The following RALYL variants were observed in gnomAD, a reference collection of about 807,000 sequenced individuals.
RALYL encodes RNA-binding Raly-like protein.
A neutral mutation model predicts 35.1 loss-of-function variants in RALYL; 29 were observed. The observed-to-expected ratio is 0.83, with a 90% confidence interval of 0.61 to 1.13. RALYL has a LOEUF of 1.13. Among genes scored for constraint, RALYL ranks in the 50% most tolerant of loss-of-function variants. The pLI is 0.00. For synonymous variants in RALYL, 120 were observed against 127.6 expected, an observed-to-expected ratio of 0.94 and a Z score of 0.40; for missense variants, 359 against 360.4, an observed-to-expected ratio of 1.00 and a Z score of 0.03.
intron 1 of RALYL, among the ~76,000 whole-genome samples, chr8:84,267,112 G>T (rs1586654905): frequency 6.6e-6 from 1 of 152,128 alleles, no homozygotes; most frequent in South Asian, 2.1e-4. Flanking sequence ...AGATCTGCAG[G>T]AATCTTAACA....
At chr8:84,810,375 AT>A (rs1825645531) in intron 4 of RALYL, among the ~76,000 whole-genome samples, 1 of 152,040 alleles carries the variant, frequency 6.6e-6, no homozygotes, top group South Asian at 2.1e-4. Context: ...ATTTTCCTAA[AT>A]TTATTGAGGC....
chr8:84,586,072 G>A (rs781574729), intron 2 of RALYL, among the ~76,000 whole-genome samples: 3 of 151,926 alleles, frequency 2.0e-5, no homozygotes, highest in Non-Finnish European at 2.9e-5. Flanking sequence ...GCACACACCT[G>A]TAATCCCAGC....
In RALYL at chr8:84,644,731, C is replaced by CT. The variant is rs201114312; in HGVS notation, c.256+115164dup. ...TTGAATCATTGTGTTCCAAGTTTGT[C>CT]TTTTTTTTTTCTTTTTTTCTTCTTC... is the stretch of plus-strand genomic sequence containing the variant. On this transcript the variant is annotated intron_variant, in intron 2 of 8. Coordinates refer to ENST00000521268, the MANE Select transcript of RALYL (RefSeq NM_173848.7). Among the ~76,000 whole-genome samples the CT allele has an allele frequency of 3.7e-3, 542 of 148,408 alleles. 3 individuals are homozygous for CT. The highest frequency in any genetic ancestry group is 0.012 in the African/African-American group (496 of 40,428).
intron 2 of RALYL, among the ~76,000 whole-genome samples, chr8:84,767,773 A>G (rs373356699): frequency 1.5e-4 from 23 of 152,344 alleles, no homozygotes; most frequent in Middle Eastern, 6.8e-3. Flanking sequence ...ATTCATTTAA[A>G]TGGTGCCTGT....
chr8:84,805,492 T>C (rs1279859655), intron 4 of RALYL, among the ~76,000 whole-genome samples: 1 of 152,192 alleles, frequency 6.6e-6, no homozygotes, highest in Admixed American at 6.5e-5. Flanking sequence ...AAGACCGGCC[T>C]GGCCAACATG....
At chr8:84,454,784 C>T (rs935374836) in intron 1 of RALYL, among the ~76,000 whole-genome samples, 2 of 152,048 alleles carry the variant, frequency 1.3e-5, no homozygotes, top group Admixed American at 6.6e-5. Context: ...TGGAAACAAA[C>T]AATGTCTCAC....
At chr8:84,758,049 T>C (rs1811840272) in intron 2 of RALYL, among the ~76,000 whole-genome samples, 1 of 152,188 alleles carries the variant, frequency 6.6e-6, no homozygotes, top group Non-Finnish European at 1.5e-5. Context: ...AAAATATGTG[T>C]AAAAATTGAT....
At chr8:84,457,979 GC>G (rs1164408262) in intron 1 of RALYL, among the ~76,000 whole-genome samples, 1 of 151,702 alleles carries the variant, frequency 6.6e-6, no homozygotes, top group Non-Finnish European at 1.5e-5. Flanking sequence ...TAGCCCCAGT[GC>G]CAAGCACAGC....
chr8:84,499,128 T>C (rs956785924), intron 1 of RALYL, among the ~76,000 whole-genome samples: 5 of 151,256 alleles, frequency 3.3e-5, no homozygotes, highest in African/African-American at 1.2e-4. Flanking sequence ...AGAGAGTAAA[T>C]GCGCAGGTTT....
chr8:84,853,991 T>A (rs1350851384), intron 5 of RALYL, among the ~76,000 whole-genome samples: 1 of 152,130 alleles, frequency 6.6e-6, no homozygotes, highest in African/African-American at 2.4e-5. Flanking sequence ...TGATCAGCAT[T>A]ATGCCTGGTA....
At chr8:84,447,582 T>C (rs1487817952) in intron 1 of RALYL, among the ~76,000 whole-genome samples, 1 of 152,034 alleles carries the variant, frequency 6.6e-6, no homozygotes, top group Non-Finnish European at 1.5e-5. Flanking sequence ...TGTCCTCTCA[T>C]GGTTAACACA....
chr8:84,486,961 G>A (rs2054699456), intron 1 of RALYL, among the ~76,000 whole-genome samples: 1 of 152,018 alleles, frequency 6.6e-6, no homozygotes, highest in East Asian at 1.9e-4. Flanking sequence ...CGCCCAAGGG[G>A]GAGTTGCTGA....
At chr8:84,551,953 A>G (rs1180361845) in intron 2 of RALYL, among the ~76,000 whole-genome samples, 1 of 151,914 alleles carries the variant, frequency 6.6e-6, no homozygotes, top group Non-Finnish European at 1.5e-5. Flanking sequence ...TACTATAGAT[A>G]CTCCCATTTT....
At chr8:84,440,390 A>G (rs1239179434) in intron 1 of RALYL, among the ~76,000 whole-genome samples, 1 of 152,064 alleles carries the variant, frequency 6.6e-6, no homozygotes, top group Non-Finnish European at 1.5e-5. Context: ...ACTTTTTAAA[A>G]CTTCAGTGGC....
chr8:84,188,684 A>G (rs944565071), intron 1 of RALYL, among the ~76,000 whole-genome samples: 1 of 152,142 alleles, frequency 6.6e-6, no homozygotes, highest in Non-Finnish European at 1.5e-5. Context: ...ACAAGTTTAC[A>G]TAATTATACT....
At chr8:84,190,733 T>C (rs1813644560) in intron 1 of RALYL, among the ~76,000 whole-genome samples, 1 of 152,192 alleles carries the variant, frequency 6.6e-6, no homozygotes, top group South Asian at 2.1e-4. Context: ...CTGGATTAAA[T>C]GACCAATGTG....
intron 1 of RALYL, among the ~76,000 whole-genome samples, chr8:84,238,111 T>G (rs1827007394): frequency 6.6e-6 from 1 of 152,102 alleles, no homozygotes; most frequent in South Asian, 2.1e-4. Flanking sequence ...AATCATTTAA[T>G]AAGCATAAAA....
chr8:84,658,417 T>C (rs1179899892), intron 2 of RALYL, among the ~76,000 whole-genome samples: 1 of 152,214 alleles, frequency 6.6e-6, no homozygotes, highest in Non-Finnish European at 1.5e-5. Flanking sequence ...TTTATCATTC[T>C]TCAGTTGATA....
intron 2 of RALYL, among the ~76,000 whole-genome samples, chr8:84,573,618 A>C (rs965759346): frequency 1.3e-5 from 2 of 151,872 alleles, no homozygotes; most frequent in African/African-American, 4.8e-5. Flanking sequence ...TTTTTTAAGC[A>C]CTTATTTTTC....
Sources: allele counts gnomAD v4.1 joint callset (sites outside exome capture counted in the v4.1 genomes callset), GRCh38; gene constraint gnomAD v4.1.1; transcripts MANE v1.5; gene names NCBI Gene and HGNC (gene_info 2026-07-23, HGNC 2026-07-21).